The following CBX1 variants were observed in gnomAD, a reference collection of about 807,000 sequenced individuals.
CBX1 encodes chromobox 1, also known as chromobox protein homolog 1.
In CBX1, 10 loss-of-function variants were observed where a neutral mutation model predicts 25.1. That is an observed-to-expected ratio of 0.40 (90% CI 0.25 to 0.68). The LOEUF (loss-of-function observed/expected upper bound fraction) is 0.68. Ranked by LOEUF, CBX1 falls within the 30% of genes least tolerant of loss-of-function variation. The probability of loss-of-function intolerance (pLI) is 0.40; values close to 1 mark genes in which losing one functional copy is unlikely to be tolerated. For missense variants in CBX1, 106 were observed against 218.5 expected (o/e 0.49, Z 3.25); for synonymous variants, 63 against 79.4 (o/e 0.79, Z 1.10).
chr17:48,087,584 T>G (rs1273319031), intron 1 of CBX1, among the ~76,000 whole-genome samples: 1 of 148,038 alleles, frequency 6.8e-6, no homozygotes, highest in Non-Finnish European at 1.5e-5. Flanking sequence ...AAAAAAAATT[T>G]AAAAAAAGGC....
chr17:48,101,317 C>CA lies in CBX1; in HGVS notation c.-88_-87insT. 4 of 986,282 alleles carry CA rather than the reference C, an allele frequency of 4.1e-6. No individual in the cohort carries two copies. Among genetic ancestry groups the CA allele is most frequent in the Non-Finnish European group, 4.8e-6 (4 of 829,986 alleles). 61.1% of individuals were successfully genotyped at this position (986,282 alleles called of 1,614,324 possible). Reference sequence around the variant, plus strand: ...AGAGGAATCGGTGCTGCGCTGCTGGCGCGTCGCGTCGGGTCGCCTGGGGGA... The same window carrying CA: ...AGAGGAATCGGTGCTGCGCTGCTGGCAGCGTCGCGTCGGGTCGCCTGGGGGA... On this transcript the variant is annotated 5_prime_UTR_variant, in exon 1 of 5. Transcript: ENST00000225603.
At chr17:48,088,666 A>T (rs191329761) in intron 1 of CBX1, 39 of 151,908 alleles carry the variant, frequency 2.6e-4, no homozygotes, top group East Asian at 2.3e-3. Flanking sequence ...TGATTTTTTT[A>T]AAAAAATACT....
intron 1 of CBX1, among the ~76,000 whole-genome samples, chr17:48,099,591 T>C (rs2063396392): frequency 6.6e-6 from 1 of 152,152 alleles, no homozygotes; most frequent in Admixed American, 6.6e-5. Context: ...ATAAGGCACC[T>C]AGGGAGGAAC....
intron 1 of CBX1, among the ~76,000 whole-genome samples, chr17:48,089,613 C>CA (rs1202761366): frequency 1.3e-5 from 1 of 76,324 alleles, no homozygotes; most frequent in East Asian, 5.0e-4. Context: ...CACCTGAGGT[C>CA]AAGAGTTTGA....
chr17:48,095,535 C>T (rs1212989987), intron 1 of CBX1, among the ~76,000 whole-genome samples: 2 of 152,068 alleles, frequency 1.3e-5, no homozygotes, highest in Non-Finnish European at 2.9e-5. Context: ...CCAGCCTGGG[C>T]AACAAGAACA....
rs2063409533 is a variant in CBX1 at position 48,101,426 on chromosome 17, C to T, written c.-196G>A. On this transcript the variant is annotated 5_prime_UTR_variant, in exon 1 of 5. Coordinates refer to ENST00000225603, the MANE Select transcript of CBX1 (RefSeq NM_001127228.2). ...CGTACCGCAGGCCCCGGCCAACGGC[C>T]CTCCCCTCAGCCGAACAAAAGAGCC... 1.0e-6 allele frequency: 1 copy of T among 985,580 alleles called. No individual in the cohort carries two copies. The highest frequency in any genetic ancestry group is 1.2e-6 in the Non-Finnish European group (1 of 830,020). 61.1% of individuals were successfully genotyped at this position (985,580 alleles called of 1,614,324 possible).
chr17:48,090,638 C>T (rs183591963), intron 1 of CBX1, among the ~76,000 whole-genome samples: 119 of 152,316 alleles, frequency 7.8e-4, no homozygotes, highest in Middle Eastern at 3.4e-3. Context: ...ACATCATTAT[C>T]TGTGGGCATT....
chr17:48,073,125 T>TAA (rs5820682), intron 4 of CBX1, among the ~76,000 whole-genome samples: 21 of 148,634 alleles, frequency 1.4e-4, no homozygotes, highest in Non-Finnish European at 1.6e-4. Flanking sequence ...CTGTCTCATT[T>TAA]AAAAAAAAAA....
At chr17:48,095,809 G>C (rs905442253) in intron 1 of CBX1, 3 of 152,204 alleles carry the variant, frequency 2.0e-5, no homozygotes, top group African/African-American at 7.2e-5. Context: ...GGCTGTTTGC[G>C]AAGCAAATGC....
At position 48,076,028 on chromosome 17, in the gene CBX1, C is replaced by G; in HGVS notation, c.291G>C (p.Glu97Asp). Residue 97 changes from glutamate to aspartate, a missense_variant, in exon 3 of 5, where the codon GAG becomes GAC. Coordinates refer to ENST00000225603, the MANE Select transcript of CBX1 (RefSeq NM_001127228.2). ...CTTCTTTCTTCTTCTTTGGTTTGCT[C>G]TCCTCTCCCTTATCTTCAGAATCAG... is the stretch of plus-strand genomic sequence containing the variant. ...ADSDSEDKGE[E>D]SKPKKKKEES... 6.2e-7 allele frequency: 1 copy of G among 1,609,758 alleles called. No individual in the cohort carries two copies. Among genetic ancestry groups the G allele is most frequent in the Non-Finnish European group, 8.5e-7 (1 of 1,176,852 alleles).
chr17:48,091,983 C>CTT (rs56277117), intron 1 of CBX1, among the ~76,000 whole-genome samples: 9,125 of 62,986 alleles, frequency 0.14, 1,021 homozygotes, highest in African/African-American at 0.27. Context: ...CCAGCCAGAT[C>CTT]TTTTTTTTTT....
At chr17:48,085,166 A>C (rs959174385) in intron 1 of CBX1, among the ~76,000 whole-genome samples, 1 of 152,260 alleles carries the variant, frequency 6.6e-6, no homozygotes, top group African/African-American at 2.4e-5. Context: ...TAGAAAAATA[A>C]TACTTTACAT....
chr17:48,079,158 T>C (rs1033192999), intron 1 of CBX1, among the ~76,000 whole-genome samples: 6 of 151,004 alleles, frequency 4.0e-5, no homozygotes, highest in African/African-American at 1.5e-4. Flanking sequence ...CGGGCTGGAG[T>C]GCAGTGGCAC....
chr17:48,085,555 C>T (rs2063307558), intron 1 of CBX1, among the ~76,000 whole-genome samples: 1 of 79,554 alleles, frequency 1.3e-5, no homozygotes, highest in Admixed American at 1.5e-4. Flanking sequence ...AAAGGTATGG[C>T]TCTGTTAAAA....
chr17:48,077,121 G>A, intron 1 of CBX1, 80 bp from the exon 2 acceptor site: 1 of 1,115,632 alleles, frequency 9.0e-7, no homozygotes, highest in Non-Finnish European at 1.3e-6. Flanking sequence ...AAGAAAACCA[G>A]GGACATGACA....
chr17:48,100,746 TCAG>T, intron 1 of CBX1: 1 of 985,346 alleles, frequency 1.0e-6, no homozygotes, highest in Non-Finnish European at 1.2e-6. Flanking sequence ...CCTCCTCCAA[TCAG>T]CACACCTTGT....
At chr17:48,073,167 C>T (rs2037641840) in intron 4 of CBX1, among the ~76,000 whole-genome samples, 1 of 151,850 alleles carries the variant, frequency 6.6e-6, no homozygotes, top group Admixed American at 6.6e-5. Context: ...TTAGGAATGT[C>T]CTAGACAGAA....
In CBX1 at chr17:48,077,051, T is replaced by C. The variant is rs1555577726; in HGVS notation, c.-37-10A>G. The C allele has an allele frequency of 8.9e-6, 14 of 1,576,340 alleles. No homozygotes were observed. The highest frequency in any genetic ancestry group is 1.2e-5 in the Non-Finnish European group (14 of 1,163,150). ...GTAAAGGGTGACGCTGCTAAAATGA[T>C]AAATGAAATAAAAAGGGCATTAGGG... On this transcript the variant is annotated splice_polypyrimidine_tract_variant and intron_variant, in intron 1 of 4. Coordinates refer to ENST00000225603, the MANE Select transcript of CBX1 (RefSeq NM_001127228.2).
chr17:48,082,616 A>AACCTCC (rs2037750699), intron 1 of CBX1, among the ~76,000 whole-genome samples: 1 of 146,816 alleles, frequency 6.8e-6, no homozygotes, highest in Non-Finnish European at 1.5e-5. Context: ...AGTTCACTGC[A>AACCTCC]ACCTCCACCT....
Sources: allele counts gnomAD v4.1 joint callset (sites outside exome capture counted in the v4.1 genomes callset), GRCh38; gene constraint gnomAD v4.1.1; transcripts MANE v1.5; gene names NCBI Gene and HGNC (gene_info 2026-07-23, HGNC 2026-07-21).